Variants in CC2D2A observed in about 807,000 individuals in gnomAD.
The protein encoded by CC2D2A is coiled-coil and C2 domain containing 2A, also known as coiled-coil and C2 domain-containing protein 2A.
A neutral mutation model predicts 212.9 loss-of-function variants in CC2D2A; 155 were observed. The ratio of observed to expected loss-of-function variants is 0.73; its 90% CI spans 0.64 to 0.83. The LOEUF (loss-of-function observed/expected upper bound fraction) is 0.83. Among genes scored for constraint, CC2D2A ranks in the 40% least tolerant of loss-of-function variants. The pLI is 0.00. For missense variants in CC2D2A, 1,856 were observed against 1,956.2 expected, an observed-to-expected ratio of 0.95 and a Z score of 0.97; for synonymous variants, 667 against 686.5, an observed-to-expected ratio of 0.97 and a Z score of 0.44.
chr4:15,527,656 G>C lies in CC2D2A; in HGVS notation c.1359G>C (p.Lys453Asn). ...QRNKAKFLTD[K>N]LQALRNAVQT... ...ACAAGGCGAAATTTCTTACTGATAAGGTACATGTGATTTCTTCCATAATGA... is the reference window on the plus strand; with the variant it reads ...ACAAGGCGAAATTTCTTACTGATAACGTACATGTGATTTCTTCCATAATGA... Residue 453 changes from lysine to asparagine, a missense_variant and splice_region_variant, in exon 12 of 37, where the codon AAG becomes AAC. Around this residue, in one of 5 missense-constraint regions of CC2D2A, gnomAD observed 1,512 missense variants for 1,579.3 expected, o/e 0.96. Coordinates refer to ENST00000424120, the MANE Select transcript of CC2D2A (RefSeq NM_001378615.1). 1 of 1,595,498 alleles carries C rather than the reference G, an allele frequency of 6.3e-7. No individual in the cohort carries two copies. Among genetic ancestry groups the C allele is most frequent in the Non-Finnish European group, 8.6e-7 (1 of 1,169,252 alleles).
intron 21 of CC2D2A, 132 bp downstream of exon 21, chr4:15,557,639 T>C (rs1310937549): frequency 3.6e-6 from 2 of 556,712 alleles, no homozygotes; most frequent in South Asian, 2.9e-5. Context: ...ATTTCACTTT[T>C]ATACATAACC....
chr4:15,566,628 G>A (rs1377682790), intron 24 of CC2D2A, among the ~76,000 whole-genome samples: 1 of 152,146 alleles, frequency 6.6e-6, no homozygotes, highest in Non-Finnish European at 1.5e-5. Flanking sequence ...ACAAGCATAA[G>A]GGAGAATGTT....
At chr4:15,530,184 G>C (rs1577352363) in intron 13 of CC2D2A, among the ~76,000 whole-genome samples, 2 of 152,250 alleles carry the variant, frequency 1.3e-5, no homozygotes, top group East Asian at 3.9e-4. Flanking sequence ...CGTTAGCCAA[G>C]ATGGTCTAGA....
intron 28 of CC2D2A, among the ~76,000 whole-genome samples, chr4:15,572,968 G>A (rs1373615542): frequency 2.6e-5 from 4 of 152,154 alleles, no homozygotes; most frequent in African/African-American, 7.2e-5. Context: ...ATGAAGGGGG[G>A]AAGACTCAGC....
At chr4:15,572,338 G>A (rs1381724499) in intron 28 of CC2D2A, among the ~76,000 whole-genome samples, 2 of 152,116 alleles carry the variant, frequency 1.3e-5, no homozygotes, top group Non-Finnish European at 1.5e-5. Flanking sequence ...TACTATCATT[G>A]CTTATGCCTG....
intron 6 of CC2D2A, among the ~76,000 whole-genome samples, chr4:15,503,600 T>C (rs1436753045): frequency 1.3e-5 from 2 of 148,542 alleles, no homozygotes; most frequent in South Asian, 4.3e-4. Flanking sequence ...GGGAGAGAGA[T>C]AAAAGTGCAG....
At chr4:15,536,895 C>A in intron 14 of CC2D2A, 25 bp from the exon 15 acceptor site, 1 of 1,605,214 alleles carries the variant, frequency 6.2e-7, no homozygotes, top group Non-Finnish European at 8.5e-7. Context: ...CAGAAATAAC[C>A]AAGGGACTAC....
At chr4:15,519,432 C>G (rs896212660) in intron 11 of CC2D2A, 6 of 412,702 alleles carry the variant, frequency 1.5e-5, no homozygotes, top group African/African-American at 1.0e-4. Flanking sequence ...TTCTTCTGAG[C>G]CCTCCAAACT....
At chr4:15,537,195 T>A (rs1718179777) in intron 15 of CC2D2A, 119 bp downstream of exon 15, 3 of 805,070 alleles carry the variant, frequency 3.7e-6, no homozygotes, top group African/African-American at 1.7e-5. Context: ...TGGCTCCCTC[T>A]GTCTCTTCCC....
chr4:15,566,664 C>T (rs1719894126), intron 24 of CC2D2A, among the ~76,000 whole-genome samples: 2 of 152,148 alleles, frequency 1.3e-5, no homozygotes, highest in African/African-American at 2.4e-5. Flanking sequence ...CAGGGCCATA[C>T]ATCTTTGGAA....
intron 26 of CC2D2A, among the ~76,000 whole-genome samples, chr4:15,568,942 T>C (rs1379789998): frequency 6.6e-6 from 1 of 152,170 alleles, no homozygotes; most frequent in African/African-American, 2.4e-5. Flanking sequence ...GAAGTCCATA[T>C]ACTAGCTCCA....
intron 3 of CC2D2A, among the ~76,000 whole-genome samples, chr4:15,480,012 T>C (rs1714522995): frequency 6.6e-6 from 1 of 152,218 alleles, no homozygotes; most frequent in Non-Finnish European, 1.5e-5. Flanking sequence ...ACATGGGGAC[T>C]TTTTGTTTAA....
chr4:15,491,825 T>C (rs1715319290), intron 4 of CC2D2A, among the ~76,000 whole-genome samples: 1 of 152,244 alleles, frequency 6.6e-6, no homozygotes, highest in Non-Finnish European at 1.5e-5. Flanking sequence ...TTTCTCCAAG[T>C]CAGTGGCTTG....
At chr4:15,480,463 G>A (rs1226199674) in intron 3 of CC2D2A, among the ~76,000 whole-genome samples, 1 of 152,168 alleles carries the variant, frequency 6.6e-6, no homozygotes, top group African/African-American at 2.4e-5. Context: ...TAGAAAAAGT[G>A]AAAATAATAA....
At chr4:15,500,101 G>GTATATATATATATATATATA (rs1222191394) in intron 4 of CC2D2A, among the ~76,000 whole-genome samples, 6 of 71,124 alleles carry the variant, frequency 8.4e-5, no homozygotes, top group South Asian at 5.2e-4. Context: ...GTGTGTGTGT[G>GTATATATATATATATATATA]TGTGTGTATA....
chr4:15,511,299 A>T lies in CC2D2A; in HGVS notation c.593A>T (p.Asn198Ile). The change falls in exon 8 of 37, where the codon AAC becomes ATC. Residue 198 changes from asparagine to isoleucine, a missense_variant. Around this residue, in one of 5 missense-constraint regions of CC2D2A, gnomAD observed 1,512 missense variants for 1,579.3 expected, o/e 0.96. Coordinates refer to ENST00000424120, the MANE Select transcript of CC2D2A (RefSeq NM_001378615.1). ...GAGGCCTATAACTTCTTTACTTTCA[A>T]CTTTGATCCCGAACCAGAAGGATCA... ...AEEAYNFFTF[N>I]FDPEPEGSEE... 6.2e-7 allele frequency: 1 copy of T among 1,600,956 alleles called. No homozygotes were observed. The highest frequency in any genetic ancestry group is 8.5e-7 in the Non-Finnish European group (1 of 1,174,904).
chr4:15,484,840 A>G (rs1714910368), intron 4 of CC2D2A, among the ~76,000 whole-genome samples: 1 of 152,146 alleles, frequency 6.6e-6, no homozygotes, highest in African/African-American at 2.4e-5. Context: ...GGATGTATGG[A>G]TACAGGGATC....
chr4:15,551,998 T>C (rs1719030135), intron 18 of CC2D2A, among the ~76,000 whole-genome samples: 2 of 152,230 alleles, frequency 1.3e-5, no homozygotes, highest in Admixed American at 1.3e-4. Context: ...TCCTCATTTA[T>C]AAAATGGATC....
intron 4 of CC2D2A, among the ~76,000 whole-genome samples, chr4:15,494,642 G>C (rs1715506874): frequency 6.6e-6 from 1 of 152,062 alleles, no homozygotes; most frequent in Admixed American, 6.6e-5. Flanking sequence ...TAAGCTTTTG[G>C]GCCGTTTTCT....
Sources: allele counts gnomAD v4.1 joint callset (sites outside exome capture counted in the v4.1 genomes callset), GRCh38; gene constraint gnomAD v4.1.1; regional missense constraint gnomAD v4.1.1; transcripts MANE v1.5; gene names NCBI Gene and HGNC (gene_info 2026-07-23, HGNC 2026-07-21).